Variants in ARHGAP18 observed in about 807,000 individuals in gnomAD.
The protein encoded by ARHGAP18 is rho GTPase-activating protein 18.
Under a neutral mutation model 86.2 loss-of-function variants are expected in ARHGAP18, and 67 were observed. The ratio of observed to expected loss-of-function variants is 0.78; its 90% CI spans 0.64 to 0.95. ARHGAP18 has a LOEUF of 0.95. Ranked by LOEUF, ARHGAP18 falls within the 40% of genes least tolerant of loss-of-function variation. The pLI is 0.00. For synonymous variants in ARHGAP18, 283 were observed against 280.4 expected, an observed-to-expected ratio of 1.01 and a Z score of -0.09; for missense variants, 691 against 780.4, an observed-to-expected ratio of 0.89 and a Z score of 1.37.
chr6:129,627,744 G>T (rs1193815817), intron 5 of ARHGAP18, among the ~76,000 whole-genome samples: 1 of 152,134 alleles, frequency 6.6e-6, no homozygotes, highest in East Asian at 1.9e-4. Flanking sequence ...TTAACTAATT[G>T]CAATACAACA....
intron 3 of ARHGAP18, 79 bp from the exon 4 acceptor site, chr6:129,634,184 A>T: frequency 8.0e-7 from 1 of 1,251,346 alleles, no homozygotes; most frequent in Non-Finnish European, 1.2e-6. Flanking sequence ...TTTTGTTATT[A>T]ATCTTTAGAG....
intron 1 of ARHGAP18, among the ~76,000 whole-genome samples, chr6:129,658,136 A>G (rs1020768252): frequency 2.6e-5 from 4 of 152,208 alleles, no homozygotes; most frequent in African/African-American, 9.6e-5. Context: ...TACATCCTAC[A>G]AGAAACATCC....
chr6:129,699,605 T>C (rs1774678068), intron 1 of ARHGAP18, among the ~76,000 whole-genome samples: 1 of 152,216 alleles, frequency 6.6e-6, no homozygotes, highest in Non-Finnish European at 1.5e-5. Context: ...AATTAATCCA[T>C]AATATGGTAG....
intron 7 of ARHGAP18, 30 bp downstream of exon 7, chr6:129,616,182 C>A: frequency 6.5e-7 from 1 of 1,542,460 alleles, no homozygotes; most frequent in Admixed American, 1.7e-5. Flanking sequence ...AGTATGTTCT[C>A]TCTATGCTGA....
chr6:129,585,353 T>G (rs1225592582), intron 12 of ARHGAP18, among the ~76,000 whole-genome samples: 2 of 152,152 alleles, frequency 1.3e-5, no homozygotes, highest in Non-Finnish European at 2.9e-5. Flanking sequence ...ATGCCACTAA[T>G]TTGATTTCTT....
At chr6:129,612,090 A>T (rs1788991922) in intron 7 of ARHGAP18, among the ~76,000 whole-genome samples, 1 of 152,264 alleles carries the variant, frequency 6.6e-6, no homozygotes, top group South Asian at 2.1e-4. Context: ...GGTGTTAAAC[A>T]AAGAAAAATG....
chr6:129,600,014 A>G (rs1788705397), intron 11 of ARHGAP18, among the ~76,000 whole-genome samples: 1 of 152,182 alleles, frequency 6.6e-6, no homozygotes, highest in Admixed American at 6.5e-5. Context: ...TATAAAAATA[A>G]AGACTTCAGG....
intron 5 of ARHGAP18, among the ~76,000 whole-genome samples, chr6:129,620,044 G>A (rs1397383556): frequency 1.3e-5 from 2 of 152,128 alleles, no homozygotes; most frequent in Admixed American, 6.5e-5. Flanking sequence ...CTGCCCAAGT[G>A]CTTTTATGTG....
chr6:129,689,653 C>T (rs1774490850), intron 1 of ARHGAP18, among the ~76,000 whole-genome samples: 1 of 152,120 alleles, frequency 6.6e-6, no homozygotes, highest in Non-Finnish European at 1.5e-5. Context: ...GTACTTTCCT[C>T]AAGAATACAG....
At position 129,615,142 on chromosome 6, in the gene ARHGAP18, C is replaced by G. The variant is rs528234159; in HGVS notation, c.1044+1070G>C. On this transcript the variant is annotated intron_variant, in intron 7 of 14. Transcript: ENST00000368149. ...CCCCAGGAAAGGATGCTGCTGAGATCCCTGCTTTGTATAGGCTTTGGTGTA... is the reference window on the plus strand; with the variant it reads ...CCCCAGGAAAGGATGCTGCTGAGATGCCTGCTTTGTATAGGCTTTGGTGTA... Among the ~76,000 whole-genome samples, 4 of 152,302 alleles carry G rather than the reference C, an allele frequency of 2.6e-5. No homozygotes were observed. In the South Asian group the frequency reaches 8.3e-4, roughly 32 times the overall value.
In ARHGAP18 at chr6:129,638,441, G is replaced by A; in HGVS notation, c.505C>T (p.Pro169Ser). The change falls in exon 3 of 15, where the codon CCT becomes TCT. Residue 169 changes from proline to serine, a missense_variant. By Grantham distance (74) the Pro-to-Ser change is moderately conservative. Transcript: ENST00000368149. ...LRKKNKQYQIPDVRDIFAQQR... is the reference protein window; with the variant it reads ...LRKKNKQYQISDVRDIFAQQR... The stretch of plus-strand genomic sequence containing the variant: ...TGAGCAAATATGTCTCTGACGTCAG[G>A]AATCTGGTACTGTTTGTTTTTTTTC... The A allele has an allele frequency of 6.2e-7, 1 of 1,614,082 alleles. No homozygotes were observed.
intron 13 of ARHGAP18, among the ~76,000 whole-genome samples, chr6:129,582,862 G>C (rs895041457): frequency 1.3e-5 from 2 of 152,242 alleles, no homozygotes; most frequent in Middle Eastern, 3.4e-3. Context: ...ACTTACTTCA[G>C]AGTGCTGTTC....
chr6:129,638,389 C>G lies in ARHGAP18; in HGVS notation c.552+5G>C, dbSNP rs1213091805. The G allele has an allele frequency of 2.5e-6, 4 of 1,610,372 alleles. No individual in the cohort carries two copies. Among genetic ancestry groups the G allele is most frequent in the Non-Finnish European group, 3.4e-6 (4 of 1,177,530 alleles). On this transcript the variant is annotated splice_donor_5th_base_variant and intron_variant, in intron 3 of 14. Transcript: ENST00000368149. The stretch of plus-strand genomic sequence containing the variant: ...TTTGCCTTAACATCAAAAAAGAAAA[C>G]CTACTGTTTCTTTTGATTCTCTCTG...
At position 129,710,155 on chromosome 6, in the gene ARHGAP18, C is replaced by A. The variant is rs759621070; in HGVS notation, c.-19G>T. On this transcript the variant is annotated 5_prime_UTR_variant, in exon 1 of 15. Transcript: ENST00000368149. ...AGCTCATGGTGAGAGAAGGGACATA[C>A]TTTCTGCGATCCTGACACAGAGAAG... 16 of 1,583,932 alleles carry A rather than the reference C, an allele frequency of 1.0e-5. No homozygotes were observed. The Admixed American group carries it at 2.5e-4, about 25-fold the overall frequency.
chr6:129,584,285 T>TTAA (rs1031068708), intron 12 of ARHGAP18, among the ~76,000 whole-genome samples, 173 bp from the exon 13 acceptor site: 2 of 152,228 alleles, frequency 1.3e-5, no homozygotes, highest in Non-Finnish European at 2.9e-5. Flanking sequence ...AAATATCCTC[T>TTAA]TAATGGTGAT....
intron 5 of ARHGAP18, among the ~76,000 whole-genome samples, chr6:129,622,882 T>C (rs1289626919): frequency 1.3e-5 from 2 of 151,474 alleles, no homozygotes; most frequent in African/African-American, 4.9e-5. Flanking sequence ...GTGCCTGTAA[T>C]CCTAGTTACT....
At chr6:129,652,607 C>T (rs1314273843) in intron 1 of ARHGAP18, among the ~76,000 whole-genome samples, 2 of 152,214 alleles carry the variant, frequency 1.3e-5, no homozygotes, top group Non-Finnish European at 2.9e-5. Flanking sequence ...ACACCTTAAA[C>T]ATGCAATACA....
At chr6:129,657,428 T>C (rs1321141439) in intron 1 of ARHGAP18, among the ~76,000 whole-genome samples, 2 of 108,548 alleles carry the variant, frequency 1.8e-5, no homozygotes, top group Non-Finnish European at 4.0e-5. Context: ...ATTTTTGAAA[T>C]TAAAAAAAAA....
intron 8 of ARHGAP18, among the ~76,000 whole-genome samples, chr6:129,611,198 G>A (rs910688419): frequency 6.6e-6 from 1 of 152,120 alleles, no homozygotes; most frequent in East Asian, 1.9e-4. Flanking sequence ...CACCACGCCC[G>A]GCCCTGACTT....
Sources: gnomAD v4.1 joint callset for allele counts (sites outside exome capture counted in the v4.1 genomes callset) on GRCh38, gnomAD v4.1.1 for gene constraint, MANE v1.5 for transcripts, NCBI Gene and HGNC (gene_info 2026-07-23, HGNC 2026-07-21) for gene names.